Variants in TLN2 observed in about 807,000 individuals in gnomAD.
TLN2 encodes the protein talin 2, also known as talin-2.
A neutral mutation model predicts 294.7 loss-of-function variants in TLN2; 118 were observed. The ratio of observed to expected loss-of-function variants is 0.40; its 90% confidence interval spans 0.34 to 0.47. The LOEUF (loss-of-function observed/expected upper bound fraction) is 0.47, where lower values mean the gene tolerates loss of function less well. TLN2 is among the 20% of genes least tolerant of loss of function. The probability of loss-of-function intolerance (pLI) is 0.84; values close to 1 mark genes in which losing one functional copy is unlikely to be tolerated. For synonymous variants in TLN2, 1,431 were observed against 1,304.5 expected, an observed-to-expected ratio of 1.10 and a Z score of -2.09; for missense variants, 3,083 against 3,282.2, an observed-to-expected ratio of 0.94 and a Z score of 1.48.
intron 3 of TLN2, among the ~76,000 whole-genome samples, chr15:62,628,458 G>A (rs1289698426): frequency 6.6e-6 from 1 of 152,176 alleles, no homozygotes; most frequent in South Asian, 2.1e-4. Flanking sequence ...CTTCCATAAC[G>A]TTTTGTTGAA....
chr15:62,403,434 C>T (rs540861861), intron 1 of TLN2, among the ~76,000 whole-genome samples: 1 of 152,274 alleles, frequency 6.6e-6, no homozygotes, highest in Admixed American at 6.5e-5. Context: ...TGTTTTGCCA[C>T]GTTGCCCAGG....
At chr15:62,658,342 T>C (rs1456095674) in intron 9 of TLN2, among the ~76,000 whole-genome samples, 1 of 152,180 alleles carries the variant, frequency 6.6e-6, no homozygotes, top group Non-Finnish European at 1.5e-5. Flanking sequence ...TCAAGTGTAT[T>C]GCAGGGAGAG....
intron 48 of TLN2, among the ~76,000 whole-genome samples, chr15:62,800,100 G>C (rs1396351505): frequency 6.6e-6 from 1 of 152,332 alleles, no homozygotes; most frequent in African/African-American, 2.4e-5. Flanking sequence ...CCAAGTTGCT[G>C]GCTAGGAGGT....
intron 3 of TLN2, among the ~76,000 whole-genome samples, chr15:62,645,636 TGCCTGG>T (rs1404611508): frequency 2.0e-5 from 3 of 152,228 alleles, no homozygotes; most frequent in Non-Finnish European, 4.4e-5. Context: ...CTCGCTGCAC[TGCCTGG>T]GCCTGGGCAG....
chr15:62,720,602 G>T (rs554415994), intron 25 of TLN2, among the ~76,000 whole-genome samples: 8 of 151,748 alleles, frequency 5.3e-5, no homozygotes, highest in African/African-American at 1.7e-4. Flanking sequence ...AACATGAAAG[G>T]TTTGATATAT....
chr15:62,644,057 C>T (rs1031938180), intron 3 of TLN2, among the ~76,000 whole-genome samples: 1 of 152,094 alleles, frequency 6.6e-6, no homozygotes, highest in Non-Finnish European at 1.5e-5. Flanking sequence ...CTGCCCCCTC[C>T]TAGCATACTT....
chr15:62,640,419 C>T (rs1016308378), intron 3 of TLN2: 13 of 451,426 alleles, frequency 2.9e-5, no homozygotes, highest in East Asian at 2.1e-4. Flanking sequence ...TAGACCTCCA[C>T]GGCCCCATTG....
At chr15:62,465,077 T>C (rs918885286) in intron 1 of TLN2, among the ~76,000 whole-genome samples, 1 of 150,364 alleles carries the variant, frequency 6.7e-6, no homozygotes, top group Non-Finnish European at 1.5e-5. Flanking sequence ...GGATAATGCA[T>C]GTACTTGGGA....
At chr15:62,496,172 G>A (rs1280124749) in intron 1 of TLN2, among the ~76,000 whole-genome samples, 1 of 152,194 alleles carries the variant, frequency 6.6e-6, no homozygotes, top group Non-Finnish European at 1.5e-5. Context: ...AGCTTTGCTA[G>A]GCCTCCTCTT....
At chr15:62,738,475 C>G in intron 30 of TLN2, 142 bp downstream of exon 30, 2 of 1,240,038 alleles carry the variant, frequency 1.6e-6, no homozygotes, top group Admixed American at 2.9e-5. Context: ...TCTTTGTTTT[C>G]CATGTTTTGC....
In TLN2 at chr15:62,820,616, T is replaced by C. The variant is rs1265398350; in HGVS notation, c.7002+6T>C. On this transcript the variant is annotated splice_donor_region_variant and intron_variant, in intron 54 of 58. Coordinates refer to ENST00000636159, the MANE Select transcript of TLN2 (RefSeq NM_015059.3). ...AGCCAAGAGCAAAACCAAAAGTAAG[T>C]GTTCATTTATGGTTGGCTGTCCGAT... 3 of 1,611,876 alleles carry C rather than the reference T, an allele frequency of 1.9e-6. No homozygotes were observed. Among genetic ancestry groups the C allele is most frequent in the African/African-American group, 2.7e-5 (2 of 74,810 alleles).
At chr15:62,676,775 C>T (rs1485849069) in intron 11 of TLN2, among the ~76,000 whole-genome samples, 5 of 152,270 alleles carry the variant, frequency 3.3e-5, no homozygotes, top group Non-Finnish European at 5.9e-5. Flanking sequence ...CTGCCACACC[C>T]GGCTGATTTT....
chr15:62,503,561 A>G (rs2039423116), intron 1 of TLN2, among the ~76,000 whole-genome samples: 1 of 152,200 alleles, frequency 6.6e-6, no homozygotes, highest in African/African-American at 2.4e-5. Flanking sequence ...GGAAATAACA[A>G]TGTCTGTCTT....
intron 41 of TLN2, among the ~76,000 whole-genome samples, chr15:62,768,227 T>G (rs2063139222): frequency 1.3e-5 from 2 of 152,180 alleles, no homozygotes; most frequent in Non-Finnish European, 2.9e-5. Flanking sequence ...CAACAGAAAT[T>G]TATTCTCTCA....
At chr15:62,836,247 C>T in intron 57 of TLN2, 174 bp downstream of exon 57, 1 of 905,338 alleles carries the variant, frequency 1.1e-6, no homozygotes, top group South Asian at 1.7e-5. Context: ...TGCTGCCCCA[C>T]CACGCTGCCA....
At position 62,797,370 on chromosome 15, in the gene TLN2, GCC is replaced by G; in HGVS notation, c.6203_6204del (p.Ala2068GlufsTer26). 1 of 1,609,906 alleles carries G rather than the reference GCC, an allele frequency of 6.2e-7. No homozygotes were observed. Among genetic ancestry groups the G allele is most frequent in the Non-Finnish European group, 8.5e-7 (1 of 1,178,430 alleles). On this transcript the variant is annotated frameshift_variant, in exon 48 of 59. Coordinates refer to ENST00000636159, the MANE Select transcript of TLN2 (RefSeq NM_015059.3). LOFTEE classifies it high-confidence loss of function. ...QLAEVVKLGA[A>X]SLGSDDPETQ... ...CGCAGAAGTGGTCAAGCTGGGGGCAGCCAGCCTGGGCTCCGACGACCCCGAGA... is the reference window on the plus strand; with the variant it reads ...CGCAGAAGTGGTCAAGCTGGGGGCAGAGCCTGGGCTCCGACGACCCCGAGA...
At chr15:62,795,206 C>G (rs1294465337) in intron 46 of TLN2, among the ~76,000 whole-genome samples, 4 of 152,038 alleles carry the variant, frequency 2.6e-5, no homozygotes, top group Non-Finnish European at 5.9e-5. Flanking sequence ...GACGGGGCAA[C>G]TAGTTCGGTG....
rs1054845022 is a variant in TLN2 at position 62,842,267 on chromosome 15, A to ATG, written c.*1661_*1662dup. On this transcript the variant is annotated 3_prime_UTR_variant, in exon 59 of 59. Coordinates refer to ENST00000636159, the MANE Select transcript of TLN2 (RefSeq NM_015059.3). ...CTGTAAAGGAAAAGCAAGTGAGAGT[A>ATG]TGTGTAGGACACTGACAGTGTGTGG... 21 of 152,218 alleles carry ATG rather than the reference A, an allele frequency of 1.4e-4. No individual in the cohort carries two copies. The highest frequency in any genetic ancestry group is 5.1e-4 in the African/African-American group (21 of 41,430). 9.4% of individuals were successfully genotyped at this position (152,218 alleles called of 1,614,324 possible). A position where few individuals can be genotyped will look rare whatever the true frequency, so the allele number is the denominator to read the frequency against.
At chr15:62,676,192 C>T (rs992488033) in intron 11 of TLN2, among the ~76,000 whole-genome samples, 1 of 152,188 alleles carries the variant, frequency 6.6e-6, no homozygotes, top group Admixed American at 6.5e-5. Context: ...GAAGAAGTTA[C>T]GTTGTCCTCT....
Sources: gnomAD v4.1 joint callset for allele counts (sites outside exome capture counted in the v4.1 genomes callset) on GRCh38, gnomAD v4.1.1 for gene constraint, MANE v1.5 for transcripts, NCBI Gene and HGNC (gene_info 2026-07-23, HGNC 2026-07-21) for gene names.